Variants in ZSCAN5B observed in about 807,000 individuals in gnomAD.
ZSCAN5B encodes zinc finger and SCAN domain containing 5B.
In ZSCAN5B, 26 loss-of-function variants were observed where a neutral mutation model predicts 25.2. The ratio of observed to expected loss-of-function variants is 1.03; its 90% confidence interval spans 0.76 to 1.43. The LOEUF (loss-of-function observed/expected upper bound fraction) is 1.43, where lower values mean the gene tolerates loss of function less well. Among genes scored for constraint, ZSCAN5B ranks in the 40% most tolerant of loss-of-function variants. The probability of loss-of-function intolerance (pLI) is 0.00; values close to 1 mark genes in which losing one functional copy is unlikely to be tolerated. For missense variants in ZSCAN5B, 745 were observed against 622.1 expected (o/e 1.20, Z -2.10); for synonymous variants, 244 against 240.9 (o/e 1.01, Z -0.12).
chr19:56,191,904 C>A (rs1000289615), exon 3 of ZSCAN5B: 10 of 1,613,896 alleles, frequency 6.2e-6, no homozygotes, highest in Non-Finnish European at 8.5e-6. Flanking sequence ...CTCGGCGGGC[C>A]TGGCCTGTCC....
At chr19:56,192,095 A>C in intron 2 of ZSCAN5B, 42 bp from the exon 3 acceptor site, 2 of 1,533,834 alleles carry the variant, frequency 1.3e-6, no homozygotes, top group Non-Finnish European at 1.8e-6. Flanking sequence ...TGAGAACCTG[A>C]AAGTAGCTCT....
chr19:56,196,905 TGAG>T (rs1411432752), intron 1 of ZSCAN5B, among the ~76,000 whole-genome samples: 4 of 152,148 alleles, frequency 2.6e-5, no homozygotes, highest in African/African-American at 9.7e-5. Flanking sequence ...AGATCGAGGC[TGAG>T]GCGGGCAGAT....
chr19:56,197,692 GCCAGCTCCGAAA>G, intron 1 of ZSCAN5B, 30 bp downstream of exon 1: 1 of 969,600 alleles, frequency 1.0e-6, no homozygotes, highest in Non-Finnish European at 1.2e-6. Flanking sequence ...CCCCCCGCAT[GCCAGCTCCGAAA>G]CCCCACAGCC....
chr19:56,190,830 T>C lies in ZSCAN5B; in HGVS notation c.739+7A>G, dbSNP rs1161273148. On this transcript the variant is annotated splice_region_variant and intron_variant, in intron 4 of 4. Transcript: ENST00000586855. ...TAACCCCTGTGGATCCAAGTCTTCA[T>C]ACTCACTGGGACTCTTTGGAAGCTG... The C allele has an allele frequency of 1.2e-6, 2 of 1,613,086 alleles. No individual in the cohort carries two copies. The highest frequency in any genetic ancestry group is 1.1e-5 in the South Asian group (1 of 90,948).
chr19:56,191,996 C>A, exon 3 of ZSCAN5B: 1 of 1,613,856 alleles, frequency 6.2e-7, no homozygotes, highest in Non-Finnish European at 8.5e-7. Context: ...GGGGCTTCAG[C>A]CATCTCGACA....
At chr19:56,189,858 A>G (rs1055930002) in exon 5 of ZSCAN5B, 2 of 1,612,466 alleles carry the variant, frequency 1.2e-6, no homozygotes, top group African/African-American at 1.3e-5. Context: ...GTGTGTTTTC[A>G]GGTGACGCTT....
chr19:56,191,863 A>C, exon 3 of ZSCAN5B: 2 of 1,613,920 alleles, frequency 1.2e-6, no homozygotes, highest in Middle Eastern at 1.7e-4. Flanking sequence ...CCTCCTGGAC[A>C]GTGCAGCGAC....
At chr19:56,190,018 GGAT>G in exon 5 of ZSCAN5B, 2 of 1,612,956 alleles carry the variant, frequency 1.2e-6, no homozygotes, top group Non-Finnish European at 1.7e-6. Context: ...TCCCCGGTGT[GGAT>G]CCTCTTGTGG....
At chr19:56,190,357 T>G (rs2032712935) in exon 5 of ZSCAN5B, 1 of 1,614,062 alleles carries the variant, frequency 6.2e-7, no homozygotes, top group Non-Finnish European at 8.5e-7. Flanking sequence ...GATTCTCTGT[T>G]GCCCACAGGT....
intron 2 of ZSCAN5B, 85 bp downstream of exon 2, chr19:56,192,584 G>A: frequency 6.5e-7 from 1 of 1,528,892 alleles, no homozygotes. Flanking sequence ...TGCAATATTA[G>A]CTGTGCTGAT....
At chr19:56,194,937 A>T (rs4801683) in intron 1 of ZSCAN5B, among the ~76,000 whole-genome samples, 1 of 152,134 alleles carries the variant, frequency 6.6e-6, no homozygotes. Context: ...GGTTCTAAAC[A>T]TAGCTTCAAA....
intron 1 of ZSCAN5B, among the ~76,000 whole-genome samples, chr19:56,193,828 G>A (rs1191802362): frequency 6.6e-6 from 1 of 152,102 alleles, no homozygotes. Context: ...TGGGCATGGT[G>A]GCGGGCGTCT....
chr19:56,190,493 G>A lies in ZSCAN5B; in HGVS notation c.822C>T (p.Cys274=), dbSNP rs778769940. Residue 274 remains cysteine (C), a synonymous_variant, in exon 5 of 5, where the codon TGC becomes TGT. Transcript: ENST00000586855. ...GAGTCAAAGCTTCTCTCTCCACAAC[G>A]CAGGCAGAAGGTGTGTCAGCATCCA... 64 of 1,613,920 alleles carry A rather than the reference G, an allele frequency of 4.0e-5. 1 individual carries two copies. In the African/African-American group the frequency reaches 4.4e-4, roughly 11 times the overall value.
chr19:56,190,035 T>C (rs1257856226), exon 5 of ZSCAN5B: 2 of 1,613,370 alleles, frequency 1.2e-6, no homozygotes, highest in Admixed American at 1.7e-5. Context: ...CTTGTGGCCC[T>C]GTAAGGTGGA....
intron 1 of ZSCAN5B, among the ~76,000 whole-genome samples, chr19:56,196,983 T>TA (rs910430769): frequency 1.3e-5 from 2 of 151,218 alleles, no homozygotes; most frequent in African/African-American, 4.9e-5. Flanking sequence ...CTATAGTAAA[T>TA]AAAAAAATGC....
intron 4 of ZSCAN5B, 92 bp downstream of exon 4, chr19:56,190,745 C>G (rs377017033): frequency 1.2e-5 from 19 of 1,546,816 alleles, no homozygotes; most frequent in African/African-American, 4.2e-5. Flanking sequence ...GGCAGCTGAT[C>G]GCCAGCCCCA....
At chr19:56,194,598 C>T (rs2032783352) in intron 1 of ZSCAN5B, among the ~76,000 whole-genome samples, 1 of 152,056 alleles carries the variant, frequency 6.6e-6, no homozygotes, top group Non-Finnish European at 1.5e-5. Context: ...AGCTGGCCTA[C>T]ATTTTTAAAA....
chr19:56,190,716 A>C, intron 4 of ZSCAN5B, 121 bp downstream of exon 4: 7 of 1,540,876 alleles, frequency 4.5e-6, no homozygotes, highest in Non-Finnish European at 6.1e-6. Flanking sequence ...AGGTCTCTGG[A>C]AAGTGGAGGA....
At chr19:56,194,157 C>T (rs1018315159) in intron 1 of ZSCAN5B, among the ~76,000 whole-genome samples, 4 of 152,028 alleles carry the variant, frequency 2.6e-5, no homozygotes, top group African/African-American at 9.7e-5. Flanking sequence ...TACCTCCTGC[C>T]CCAACCCCCT....
Sources: gnomAD v4.1 joint callset for allele counts (sites outside exome capture counted in the v4.1 genomes callset) on GRCh38, gnomAD v4.1.1 for gene constraint, MANE v1.5 for transcripts, NCBI Gene and HGNC (gene_info 2026-07-23, HGNC 2026-07-21) for gene names.